The following RALGPS1 variants were observed in gnomAD, a reference collection of about 807,000 sequenced individuals.
RALGPS1 encodes the protein Ral GEF with PH domain and SH3 binding motif 1, also known as ras-specific guanine nucleotide-releasing factor RalGPS1.
In RALGPS1, 19 loss-of-function variants were observed where a neutral mutation model predicts 78.8. The ratio of observed to expected loss-of-function variants is 0.24; its 90% CI spans 0.17 to 0.35. RALGPS1 has a LOEUF of 0.35. RALGPS1 is among the 10% of genes least tolerant of loss of function. The probability of loss-of-function intolerance (pLI) is 1.00; values close to 1 mark genes in which losing one functional copy is unlikely to be tolerated. For synonymous variants in RALGPS1, 228 were observed against 256.3 expected (o/e 0.89, Z 1.06); for missense variants, 454 against 688.3 (o/e 0.66, Z 3.81).
chr9:127,133,229 G>GAAGCC (rs2057133173), intron 8 of RALGPS1, among the ~76,000 whole-genome samples: 1 of 152,248 alleles, frequency 6.6e-6, no homozygotes, highest in South Asian at 2.1e-4. Context: ...GCACCCTGGG[G>GAAGCC]AGGCTGCCCT....
At chr9:126,992,020 A>G (rs75620529) in intron 4 of RALGPS1, among the ~76,000 whole-genome samples, 3,562 of 152,284 alleles carry the variant, frequency 0.023, 46 homozygotes, top group Middle Eastern at 0.048. Context: ...TGACAGGATC[A>G]ATACTTGTCA....
intron 3 of RALGPS1, 36 bp from the exon 4 acceptor site, chr9:126,977,659 A>T: frequency 7.1e-7 from 1 of 1,406,136 alleles, no homozygotes; most frequent in Non-Finnish European, 1.0e-6. Context: ...TCTTTGATGT[A>T]CAGTATTTTC....
chr9:127,156,317 T>G (rs1158395710), intron 8 of RALGPS1, among the ~76,000 whole-genome samples: 2 of 152,164 alleles, frequency 1.3e-5, no homozygotes, highest in Non-Finnish European at 2.9e-5. Flanking sequence ...TTTCTAGAAG[T>G]GGAATTACTG....
In RALGPS1 at chr9:127,057,861, A is replaced by G. The variant is rs76454767; in HGVS notation, c.483+4922A>G. Among the ~76,000 whole-genome samples the G allele has an allele frequency of 9.1e-3, 1,386 of 152,378 alleles. 77 individuals carry two copies. Among genetic ancestry groups the G allele is most frequent in the Admixed American group, 0.078 (1,197 of 15,308 alleles). ...GTCTGGCTGGCACAAGAAGTGATCA[A>G]TAAATGTTTATTGAATACATGAAGT... On this transcript the variant is annotated intron_variant, in intron 7 of 18. Coordinates refer to ENST00000259351, the MANE Select transcript of RALGPS1 (RefSeq NM_014636.3).
At chr9:127,073,162 T>C (rs1298202522) in intron 8 of RALGPS1, among the ~76,000 whole-genome samples, 1 of 152,208 alleles carries the variant, frequency 6.6e-6, no homozygotes, top group Non-Finnish European at 1.5e-5. Context: ...ACTCTGCTAT[T>C]GAACATTGGA....
At chr9:127,001,998 A>T (rs1027414230) in intron 4 of RALGPS1, among the ~76,000 whole-genome samples, 1 of 152,234 alleles carries the variant, frequency 6.6e-6, no homozygotes, top group Non-Finnish European at 1.5e-5. Context: ...TTTAAAATGC[A>T]TATAATCAGG....
chr9:126,993,895 G>A (rs557177762), intron 4 of RALGPS1, among the ~76,000 whole-genome samples: 2 of 152,282 alleles, frequency 1.3e-5, no homozygotes, highest in East Asian at 3.9e-4. Context: ...TGCAGCCACC[G>A]CTGCTGAAAC....
chr9:127,201,878 C>T (rs1488481871), intron 14 of RALGPS1, among the ~76,000 whole-genome samples: 2 of 152,216 alleles, frequency 1.3e-5, no homozygotes, highest in East Asian at 1.9e-4. Context: ...CCTGCAGATG[C>T]CGTAAGAACA....
rs2062743008 is a variant in RALGPS1, at chr9:127,220,459, G to T, written c.*1690G>T. On this transcript the variant is annotated 3_prime_UTR_variant, in exon 19 of 19. Coordinates refer to ENST00000259351, the MANE Select transcript of RALGPS1 (RefSeq NM_014636.3). ...TAGTTGAGCCTTACAATGCTTAGTA[G>T]TTCATCTTCTTTTTGAGCAAAGACT... 6.6e-6 allele frequency: 1 copy of T among 152,192 alleles called. No individual in the cohort carries two copies. The highest frequency in any genetic ancestry group is 6.5e-5 in the Admixed American group (1 of 15,276). 9.4% of individuals were successfully genotyped at this position (152,192 alleles called of 1,614,324 possible).
At chr9:127,203,598 C>T (rs948764028) in intron 14 of RALGPS1, among the ~76,000 whole-genome samples, 3 of 152,074 alleles carry the variant, frequency 2.0e-5, no homozygotes, top group African/African-American at 4.8e-5. Context: ...GGTTGGGGGG[C>T]ACAGTGCACA....
At chr9:127,039,633 A>G (rs555873405) in intron 5 of RALGPS1, among the ~76,000 whole-genome samples, 100 of 152,318 alleles carry the variant, frequency 6.6e-4, no homozygotes, top group Non-Finnish European at 1.2e-3. Flanking sequence ...TTAATGAGGT[A>G]AAGTCTCAGA....
intron 8 of RALGPS1, among the ~76,000 whole-genome samples, chr9:127,114,788 C>G (rs1449003339): frequency 6.6e-6 from 1 of 152,270 alleles, no homozygotes; most frequent in Non-Finnish European, 1.5e-5. Flanking sequence ...CAGCTGGCCC[C>G]TGACGTCGGG....
chr9:127,090,020 G>A lies in RALGPS1; in HGVS notation c.610+20664G>A, dbSNP rs189924069. Among the ~76,000 whole-genome samples the A allele has an allele frequency of 5.1e-3, 770 of 152,328 alleles. 3 individuals carry two copies. Among genetic ancestry groups the A allele is most frequent in the Non-Finnish European group, 6.2e-3 (423 of 68,032 alleles). ...GGCCGTGGGATGAGGTGAGGAGGTC[G>A]CACTCAGTCTGAGGCAGAAAGCAAG... On this transcript the variant is annotated intron_variant, in intron 8 of 18. Transcript: ENST00000259351.
chr9:126,918,138 T>G (rs1216800400), intron 1 of RALGPS1, among the ~76,000 whole-genome samples: 4 of 152,218 alleles, frequency 2.6e-5, no homozygotes, highest in Non-Finnish European at 5.9e-5. Flanking sequence ...ACATTTTATT[T>G]ATTGCACAAA....
chr9:127,128,864 A>G (rs2056814542), intron 8 of RALGPS1, among the ~76,000 whole-genome samples: 1 of 152,232 alleles, frequency 6.6e-6, no homozygotes, highest in Non-Finnish European at 1.5e-5. Flanking sequence ...CTTTGAGGAC[A>G]CTGTGACTGT....
At chr9:127,196,684 G>A in intron 13 of RALGPS1, 53 bp downstream of exon 13, 1 of 1,508,548 alleles carries the variant, frequency 6.6e-7, no homozygotes, top group Non-Finnish European at 8.9e-7. Context: ...GGCCCAGCGT[G>A]TGCTCCGTGT....
intron 8 of RALGPS1, among the ~76,000 whole-genome samples, chr9:127,162,241 C>A (rs954589927): frequency 2.0e-5 from 3 of 152,198 alleles, no homozygotes; most frequent in Non-Finnish European, 4.4e-5. Context: ...GGCGTTAGGC[C>A]TGATGGGGAG....
intron 3 of RALGPS1, among the ~76,000 whole-genome samples, chr9:126,974,033 C>T (rs542412582): frequency 3.9e-5 from 6 of 152,152 alleles, no homozygotes; most frequent in Admixed American, 6.5e-5. Flanking sequence ...CCACCACACC[C>T]GGCTAATTTT....
At chr9:126,926,494 T>G (rs1036898891) in intron 1 of RALGPS1, among the ~76,000 whole-genome samples, 2 of 152,068 alleles carry the variant, frequency 1.3e-5, no homozygotes, top group African/African-American at 4.8e-5. Flanking sequence ...TCAGGGATGG[T>G]GGACAGTGTG....
Sources: gnomAD v4.1 joint callset for allele counts (sites outside exome capture counted in the v4.1 genomes callset) on GRCh38, gnomAD v4.1.1 for gene constraint, MANE v1.5 for transcripts, NCBI Gene and HGNC (gene_info 2026-07-23, HGNC 2026-07-21) for gene names.